Variants in FNDC3B observed in about 807,000 individuals in gnomAD.
FNDC3B encodes fibronectin type III domain containing 3B, also known as fibronectin type III domain-containing protein 3B.
A neutral mutation model predicts 151.5 loss-of-function variants in FNDC3B; 12 were observed. The observed-to-expected ratio is 0.08, with a 90% CI of 0.05 to 0.13. The LOEUF is 0.13. Ranked by LOEUF, FNDC3B falls within the 10% of genes least tolerant of loss-of-function variation. The pLI is 1.00. For missense variants in FNDC3B, 1,214 were observed against 1,505.3 expected (o/e 0.81, Z 3.20); for synonymous variants, 528 against 549.0 (o/e 0.96, Z 0.54).
chr3:172,170,044 A>G (rs986317486), intron 3 of FNDC3B, among the ~76,000 whole-genome samples: 21 of 130,124 alleles, frequency 1.6e-4, no homozygotes, highest in Non-Finnish European at 2.9e-4. Context: ...TAACATTCCA[A>G]TCTATTTTTT....
chr3:172,307,969 T>C (rs1401356320), intron 10 of FNDC3B, among the ~76,000 whole-genome samples: 1 of 152,214 alleles, frequency 6.6e-6, no homozygotes, highest in African/African-American at 2.4e-5. Flanking sequence ...CACTTTCTAA[T>C]AGTCTAGCTC....
intron 22 of FNDC3B, among the ~76,000 whole-genome samples, chr3:172,358,115 G>C (rs1734187532): frequency 1.3e-5 from 2 of 152,184 alleles, no homozygotes; most frequent in Admixed American, 1.3e-4. Context: ...AGGGAGTTCT[G>C]CTCACGCCTG....
intron 12 of FNDC3B, 117 bp from the exon 13 acceptor site, chr3:172,330,418 CTGGCTT>C: frequency 2.6e-6 from 2 of 757,810 alleles, no homozygotes; most frequent in South Asian, 4.0e-5. Flanking sequence ...GCATCCTTAC[CTGGCTT>C]TGCTTACTCT....
intron 3 of FNDC3B, among the ~76,000 whole-genome samples, chr3:172,214,770 A>G (rs1318085020): frequency 6.6e-6 from 1 of 152,230 alleles, no homozygotes; most frequent in African/African-American, 2.4e-5. Context: ...TAAAAGAACT[A>G]AGCTAGTAAA....
chr3:172,084,721 C>T (rs1013291427), intron 1 of FNDC3B, among the ~76,000 whole-genome samples: 4 of 152,190 alleles, frequency 2.6e-5, no homozygotes, highest in Admixed American at 6.5e-5. Context: ...TGGCCGTATT[C>T]GGCTTCTTAT....
At chr3:172,316,288 C>T in intron 11 of FNDC3B, 1 of 401,726 alleles carries the variant, frequency 2.5e-6, no homozygotes, top group Non-Finnish European at 4.9e-6. Flanking sequence ...GTGTGAGCCA[C>T]CATGCCCAGC....
intron 3 of FNDC3B, among the ~76,000 whole-genome samples, chr3:172,157,905 T>C (rs573862864): frequency 1.3e-5 from 2 of 152,190 alleles, no homozygotes; most frequent in African/African-American, 2.4e-5. Context: ...TCCAACGTGA[T>C]GGTATTAAGA....
rs1715908219 is a variant in FNDC3B at position 172,039,586 on chromosome 3, G to T, written c.-214G>T. ...CATGTGGTCCCGACATCATTGACAT[G>T]GCGGAATCCCCCATCAAACCCTCCT... On this transcript the variant is annotated 5_prime_UTR_variant, in exon 1 of 26. An upstream start codon of the reference 5' UTR is lost. Transcript: ENST00000415807. 6.5e-6 allele frequency: 1 copy of T among 154,056 alleles called. No individual in the cohort carries two copies. Among genetic ancestry groups the T allele is most frequent in the Non-Finnish European group, 1.5e-5 (1 of 68,826 alleles). The allele number at this position is 154,056 out of a possible 1,614,324, so 9.5% of individuals were successfully genotyped here. A position where few individuals can be genotyped will look rare whatever the true frequency, so the allele number is the denominator to read the frequency against.
chr3:172,279,567 G>A (rs1449492508), intron 6 of FNDC3B, among the ~76,000 whole-genome samples: 1 of 152,170 alleles, frequency 6.6e-6, no homozygotes, highest in South Asian at 2.1e-4. Context: ...CTTCACCAGC[G>A]AAATGGCTAG....
At chr3:172,320,770 G>A (rs948302215) in intron 11 of FNDC3B, among the ~76,000 whole-genome samples, 7 of 152,168 alleles carry the variant, frequency 4.6e-5, no homozygotes, top group Non-Finnish European at 1.0e-4. Context: ...GGATGTGTGT[G>A]AGTTACATGT....
rs145825869 is a variant in FNDC3B, at chr3:172,269,820, G to T, written c.791-16106G>T. On this transcript the variant is annotated intron_variant, in intron 6 of 25. Transcript: ENST00000415807. ...CCACCATGCCTGGCTAATTTTTTTT[G>T]ATATTTTTAGTAGAGACAGGGTTTC... Among the ~76,000 whole-genome samples the T allele has an allele frequency of 6.7e-3, 1,022 of 151,790 alleles. 12 individuals carry two copies. Among genetic ancestry groups the T allele is most frequent in the African/African-American group, 0.023 (962 of 41,398 alleles).
chr3:172,219,851 T>C (rs945021978), intron 3 of FNDC3B, among the ~76,000 whole-genome samples: 4 of 152,232 alleles, frequency 2.6e-5, no homozygotes, highest in Non-Finnish European at 5.9e-5. Context: ...TCCATCCTTC[T>C]CCTGATGGAC....
At chr3:172,312,264 C>T (rs752649884) in intron 11 of FNDC3B, among the ~76,000 whole-genome samples, 4 of 152,154 alleles carry the variant, frequency 2.6e-5, no homozygotes, top group African/African-American at 4.8e-5. Context: ...CCAGAACAAC[C>T]GTCTGTTGTT....
At chr3:172,247,466 T>C in intron 4 of FNDC3B, 67 bp from the exon 5 acceptor site, 1 of 1,489,176 alleles carries the variant, frequency 6.7e-7, no homozygotes, top group Non-Finnish European at 9.1e-7. Flanking sequence ...GTGGAAGTTA[T>C]TAATACTATA....
intron 23 of FNDC3B, among the ~76,000 whole-genome samples, chr3:172,376,222 T>C (rs1192770601): frequency 2.0e-5 from 3 of 152,258 alleles, no homozygotes; most frequent in Non-Finnish European, 2.9e-5. Context: ...TAAATTGATA[T>C]GTATGTTATC....
Position 172,090,425 on chromosome 3 carries a change from TAAACAAAC to T in FNDC3B, c.-28-22005_-28-21998del, listed in dbSNP as rs60240731. 5.3e-4 allele frequency among the ~76,000 whole-genome samples: 79 copies of T among 150,330 alleles called. No individual in the cohort carries two copies. In the South Asian group the frequency reaches 7.9e-3, roughly 15 times the overall value. The stretch of plus-strand genomic sequence containing the variant: ...GGAAACCTAGGGCTGTGACCAAAAA[TAAACAAAC>T]AAACAAACAAACAAACAAACAGGGA... On this transcript the variant is annotated intron_variant, in intron 1 of 25. Coordinates refer to ENST00000415807, the MANE Select transcript of FNDC3B (RefSeq NM_022763.4).
intron 1 of FNDC3B, among the ~76,000 whole-genome samples, chr3:172,067,576 G>A (rs924631266): frequency 3.3e-5 from 5 of 151,934 alleles, no homozygotes; most frequent in Admixed American, 6.6e-5. Flanking sequence ...GATAATTACC[G>A]TGAGTCATAG....
At chr3:172,103,828 C>A (rs754346832) in intron 1 of FNDC3B, among the ~76,000 whole-genome samples, 47 of 152,194 alleles carry the variant, frequency 3.1e-4, no homozygotes, top group Non-Finnish European at 2.2e-4. Context: ...GAACACATAT[C>A]AGACAAGAAG....
At chr3:172,294,524 C>T (rs1210219860) in intron 7 of FNDC3B, among the ~76,000 whole-genome samples, 2 of 152,132 alleles carry the variant, frequency 1.3e-5, no homozygotes, top group Admixed American at 1.3e-4. Context: ...GGGAAGTCCA[C>T]CACAATGATC....
Sources: gnomAD v4.1 joint callset for allele counts (sites outside exome capture counted in the v4.1 genomes callset) on GRCh38, gnomAD v4.1.1 for gene constraint, MANE v1.5 for transcripts, NCBI Gene and HGNC (gene_info 2026-07-23, HGNC 2026-07-21) for gene names.